Variants in AGPS observed in about 807,000 individuals in gnomAD.
AGPS encodes alkyldihydroxyacetonephosphate synthase, peroxisomal.
A neutral mutation model predicts 90.7 loss-of-function variants in AGPS; 26 were observed. That is an observed-to-expected ratio of 0.29 (90% CI 0.21 to 0.40). The LOEUF (loss-of-function observed/expected upper bound fraction) is 0.40. Among genes scored for constraint, AGPS ranks in the 10% least tolerant of loss-of-function variants. The pLI is 1.00. For missense variants in AGPS, 540 were observed against 816.1 expected (o/e 0.66, Z 4.12); for synonymous variants, 294 against 285.3 (o/e 1.03, Z -0.31).
At chr2:177,511,345 G>A (rs1209452723) in intron 16 of AGPS, among the ~76,000 whole-genome samples, 1 of 152,008 alleles carries the variant, frequency 6.6e-6, no homozygotes, top group East Asian at 1.9e-4. Flanking sequence ...CGATCCTCCT[G>A]CATTGGCCTT....
At chr2:177,423,850 T>C (rs1327439199) in intron 2 of AGPS, among the ~76,000 whole-genome samples, 1 of 152,174 alleles carries the variant, frequency 6.6e-6, no homozygotes, top group African/African-American at 2.4e-5. Flanking sequence ...ATTTATCACT[T>C]ACCACTCTTA....
At chr2:177,536,875 A>G (rs1181739038) in intron 19 of AGPS, among the ~76,000 whole-genome samples, 1 of 152,192 alleles carries the variant, frequency 6.6e-6, no homozygotes. Context: ...GTTGAGCTCG[A>G]AATGGTATTT....
chr2:177,484,527 G>A (rs1688038997), intron 11 of AGPS, among the ~76,000 whole-genome samples: 4 of 151,892 alleles, frequency 2.6e-5, no homozygotes, highest in Admixed American at 2.6e-4. Context: ...TGTATTTTTA[G>A]TGAAGATGGG....
intron 2 of AGPS, among the ~76,000 whole-genome samples, chr2:177,420,615 ATAT>A (rs1574353479): frequency 6.6e-6 from 1 of 151,390 alleles, no homozygotes; most frequent in Admixed American, 6.6e-5. Context: ...CAATTATATA[ATAT>A]TATATATCCA....
intron 16 of AGPS, among the ~76,000 whole-genome samples, chr2:177,513,085 C>T (rs901351507): frequency 6.9e-4 from 104 of 150,030 alleles, no homozygotes; most frequent in Non-Finnish European, 1.2e-3. Flanking sequence ...TTAATTGAAT[C>T]ATTATTATTA....
chr2:177,445,847 C>A (rs1312685172), intron 8 of AGPS, among the ~76,000 whole-genome samples: 1 of 152,042 alleles, frequency 6.6e-6, no homozygotes, highest in African/African-American at 2.4e-5. Flanking sequence ...TGTCTGCTAC[C>A]TTCAGGTAGC....
intron 8 of AGPS, 59 bp from the exon 9 acceptor site, chr2:177,461,834 T>G: frequency 1.3e-6 from 2 of 1,538,172 alleles, no homozygotes; most frequent in Non-Finnish European, 1.8e-6. Context: ...GTTAATGTGT[T>G]GAGTGCTGTA....
intron 5 of AGPS, among the ~76,000 whole-genome samples, chr2:177,439,881 C>T (rs1574368838): frequency 6.6e-6 from 1 of 152,128 alleles, no homozygotes; most frequent in East Asian, 1.9e-4. Context: ...GTCCTATTGC[C>T]AGTCAAGTTG....
At chr2:177,462,913 ATAT>A (rs948020731) in intron 9 of AGPS, among the ~76,000 whole-genome samples, 20 of 152,182 alleles carry the variant, frequency 1.3e-4, no homozygotes, top group African/African-American at 4.6e-4. Context: ...CTGTATACAA[ATAT>A]TATTTTACAA....
chr2:177,493,589 C>T (rs1390131301), intron 12 of AGPS, among the ~76,000 whole-genome samples: 2 of 152,138 alleles, frequency 1.3e-5, no homozygotes, highest in Non-Finnish European at 2.9e-5. Context: ...GTGTGAAACT[C>T]AATGATGTGT....
chr2:177,509,730 G>A (rs1478127035), intron 16 of AGPS, among the ~76,000 whole-genome samples: 1 of 149,780 alleles, frequency 6.7e-6, no homozygotes, highest in Non-Finnish European at 1.5e-5. Flanking sequence ...CTTTTTTTTA[G>A]TATGAAATTA....
At chr2:177,534,739 G>A (rs1415264317) in intron 19 of AGPS, among the ~76,000 whole-genome samples, 3 of 151,328 alleles carry the variant, frequency 2.0e-5, no homozygotes, top group Non-Finnish European at 4.4e-5. Context: ...GATGCGTGCC[G>A]CCACATCCAG....
intron 1 of AGPS, among the ~76,000 whole-genome samples, chr2:177,407,214 A>T (rs531589957): frequency 4.6e-5 from 7 of 152,306 alleles, no homozygotes; most frequent in African/African-American, 1.7e-4. Context: ...ATGATTGTAA[A>T]GCCCTTAGCT....
At chr2:177,423,721 A>G (rs1685996554) in intron 2 of AGPS, among the ~76,000 whole-genome samples, 1 of 152,242 alleles carries the variant, frequency 6.6e-6, no homozygotes, top group African/African-American at 2.4e-5. Context: ...GTAAGCAATT[A>G]TTAGAAGCTA....
intron 14 of AGPS, among the ~76,000 whole-genome samples, chr2:177,504,923 A>G (rs1014564762): frequency 1.3e-5 from 2 of 152,106 alleles, no homozygotes; most frequent in Non-Finnish European, 2.9e-5. Context: ...ATCAAATACA[A>G]TTTCTATGGA....
chr2:177,532,334 C>G (rs1028140298), intron 19 of AGPS, among the ~76,000 whole-genome samples: 1 of 152,008 alleles, frequency 6.6e-6, no homozygotes, highest in African/African-American at 2.4e-5. Context: ...AGAAGATATA[C>G]AGATGGCACA....
At chr2:177,405,828 T>C (rs1040315897) in intron 1 of AGPS, among the ~76,000 whole-genome samples, 2 of 79,316 alleles carry the variant, frequency 2.5e-5, no homozygotes, top group African/African-American at 9.2e-5. Context: ...GTAATAGCTT[T>C]TACCACTGTT....
intron 15 of AGPS, among the ~76,000 whole-genome samples, chr2:177,506,268 T>G (rs1260818431): frequency 6.6e-6 from 1 of 151,702 alleles, no homozygotes. Flanking sequence ...ATGATCTTAC[T>G]CTAAAAGGTC....
chr2:177,450,114 G>A lies in AGPS; in HGVS notation c.870+4488G>A, dbSNP rs1686895122. ...GGCCTCCCAAAGTGCTAGGATTACA[G>A]GTGTCAGCCACCACGCCCAGCCTAT... On this transcript the variant is annotated intron_variant, in intron 8 of 19. Coordinates refer to ENST00000264167, the MANE Select transcript of AGPS (RefSeq NM_003659.4). Among the ~76,000 whole-genome samples, 2 of 152,106 alleles carry A rather than the reference G, an allele frequency of 1.3e-5. 1 individual carries two copies. The highest frequency in any genetic ancestry group is 4.1e-4 in the South Asian group (2 of 4,830).
Sources: allele counts gnomAD v4.1 joint callset (sites outside exome capture counted in the v4.1 genomes callset), GRCh38; gene constraint gnomAD v4.1.1; transcripts MANE v1.5; gene names NCBI Gene and HGNC (gene_info 2026-07-23, HGNC 2026-07-21).